Variants in GBP7 observed in about 807,000 individuals in gnomAD.
GBP7 encodes the protein guanylate-binding protein 7.
A neutral mutation model predicts 61.3 loss-of-function variants in GBP7; 43 were observed. The ratio of observed to expected loss-of-function variants is 0.70; its 90% confidence interval spans 0.55 to 0.91. GBP7 has a LOEUF of 0.91. GBP7 is among the 40% of genes least tolerant of loss of function. The probability of loss-of-function intolerance (pLI) is 0.00; values close to 1 mark genes in which losing one functional copy is unlikely to be tolerated. For missense variants in GBP7, 717 were observed against 740.5 expected (o/e 0.97, Z 0.37); for synonymous variants, 267 against 271.0 (o/e 0.99, Z 0.14).
chr1:89,148,313 T>C (rs1682113878), intron 7 of GBP7, among the ~76,000 whole-genome samples: 1 of 152,228 alleles, frequency 6.6e-6, no homozygotes, highest in Admixed American at 6.5e-5. Context: ...GGACTGGTAA[T>C]AGACAGACTG....
chr1:89,133,317 C>T lies in GBP7; in HGVS notation c.1603G>A (p.Glu535Lys). 1 of 1,614,028 alleles carries T rather than the reference C, an allele frequency of 6.2e-7. No homozygotes were observed. The stretch of plus-strand genomic sequence containing the variant: ...CTCATATAGTTTTCCCTTTCCCTCT[C>T]CATCTTCTTCTTGAGTTGAGCTATG... Reference protein sequence around the residue: ...ENIAQLKKKMERERENYMREL... With the variant: ...ENIAQLKKKMKRERENYMREL... Residue 535 changes from glutamate (E) to lysine (K), a missense_variant, in exon 10 of 11, where the codon GAG becomes AAG. Transcript: ENST00000294671.
At chr1:89,170,460 C>T (rs2100662274) in intron 2 of GBP7, among the ~76,000 whole-genome samples, 1 of 152,286 alleles carries the variant, frequency 6.6e-6, no homozygotes, top group Middle Eastern at 3.4e-3. Flanking sequence ...AAACCCACTC[C>T]TTCCCAACCT....
intron 9 of GBP7, among the ~76,000 whole-genome samples, chr1:89,138,966 A>T (rs116808502): frequency 0.018 from 2,774 of 152,294 alleles, 34 homozygotes; most frequent in Middle Eastern, 0.044. Flanking sequence ...TCTATAAGGA[A>T]GTTAAAGAAA....
At chr1:89,138,095 A>G (rs1285580311) in intron 9 of GBP7, among the ~76,000 whole-genome samples, 1 of 152,124 alleles carries the variant, frequency 6.6e-6, no homozygotes, top group Non-Finnish European at 1.5e-5. Flanking sequence ...TTTACAGCCA[A>G]TCAGGGAGGT....
At chr1:89,155,575 G>C (rs1184791651) in intron 3 of GBP7, among the ~76,000 whole-genome samples, 1 of 152,200 alleles carries the variant, frequency 6.6e-6, no homozygotes, top group Non-Finnish European at 1.5e-5. Context: ...AGCTTCAGTA[G>C]CCAATTTGAT....
intron 9 of GBP7, 139 bp downstream of exon 9, chr1:89,141,407 G>A: frequency 1.8e-6 from 1 of 570,864 alleles, no homozygotes; most frequent in Non-Finnish European, 3.0e-6. Flanking sequence ...AACTCCCCTT[G>A]TTATTTTCAG....
At chr1:89,171,615 A>C in intron 2 of GBP7, 131 bp downstream of exon 2, 1 of 707,406 alleles carries the variant, frequency 1.4e-6, no homozygotes, top group Non-Finnish European at 2.2e-6. Context: ...TGAAGGGTTC[A>C]CTGATGAATT....
chr1:89,153,128 C>G lies in GBP7; in HGVS notation c.319-351G>C, dbSNP rs114773678. Among the ~76,000 whole-genome samples the G allele has an allele frequency of 9.3e-3, 1,419 of 152,304 alleles. 17 individuals carry two copies. The highest frequency in any genetic ancestry group is 0.033 in the African/African-American group (1,351 of 41,564). On this transcript the variant is annotated intron_variant, in intron 3 of 10. Transcript: ENST00000294671. The stretch of plus-strand genomic sequence containing the variant: ...GGTATGAAGTCTCCTGAATGATGCT[C>G]TCTACTTTTTGTATGCAATAAACTT...
Position 89,149,572 on chromosome 1 carries a change from C to A in GBP7, c.872G>T (p.Arg291Leu), listed in dbSNP as rs772031019. 2.5e-6 allele frequency: 4 copies of A among 1,603,162 alleles called. 1 individual carries two copies. In the South Asian group the frequency reaches 4.4e-5, roughly 18 times the overall value. ...LREGILVTGN[R>L]LGMLVETYLD... ...GTAGGTCTCCACCAGCATCCCCAGC[C>A]CTGAATGATTTAGGAAATTTAGGGA... The change falls in exon 7 of 11, where the codon CGG (arginine) becomes CTG (leucine). Residue 291 changes from arginine (R) to leucine (L), a missense_variant and splice_region_variant. Around this residue, in one of 3 missense-constraint regions of GBP7, gnomAD observed 387 missense variants for 385.2 expected, o/e 1.00. Transcript: ENST00000294671.
chr1:89,135,252 A>G (rs768035243), intron 9 of GBP7, among the ~76,000 whole-genome samples: 19 of 152,218 alleles, frequency 1.2e-4, no homozygotes, highest in South Asian at 2.1e-4. Context: ...GAGAGATAGC[A>G]AGCAATTTGG....
chr1:89,149,598 A>C (rs764200143), intron 6 of GBP7, 26 bp from the exon 7 acceptor site: 19 of 1,584,540 alleles, frequency 1.2e-5, no homozygotes, highest in Non-Finnish European at 1.3e-5. Flanking sequence ...AATTTAGGGA[A>C]TAGATAGAAA....
chr1:89,138,348 G>A (rs575190734), intron 9 of GBP7, among the ~76,000 whole-genome samples: 3 of 151,818 alleles, frequency 2.0e-5, no homozygotes, highest in African/African-American at 7.3e-5. Context: ...AAAAAACCCC[G>A]AGTAGCCAAG....
intron 8 of GBP7, among the ~76,000 whole-genome samples, chr1:89,146,187 A>G (rs1216536943): frequency 6.7e-6 from 1 of 149,182 alleles, no homozygotes; most frequent in Non-Finnish European, 1.5e-5. Flanking sequence ...AAATGTGTCA[A>G]GAGTACACCA....
intron 5 of GBP7, among the ~76,000 whole-genome samples, chr1:89,151,290 A>C (rs1196364003): frequency 6.6e-6 from 1 of 152,174 alleles, no homozygotes; most frequent in East Asian, 1.9e-4. Flanking sequence ...CCATATAGAA[A>C]TGAGGTCCTG....
chr1:89,169,543 A>G (rs1194025848), intron 2 of GBP7, among the ~76,000 whole-genome samples: 3 of 152,192 alleles, frequency 2.0e-5, no homozygotes, highest in Non-Finnish European at 4.4e-5. Context: ...TTTTGAGTTT[A>G]TTATTATTTA....
chr1:89,133,390 C>A lies in GBP7; in HGVS notation c.1530G>T (p.Lys510Asn). 1 of 1,614,010 alleles carries A rather than the reference C, an allele frequency of 6.2e-7. No homozygotes were observed. The highest frequency in any genetic ancestry group is 8.5e-7 in the Non-Finnish European group (1 of 1,179,982). Reference protein sequence around the residue: ...KEQELLRQKQKEQQQMMEAQE... With the variant: ...KEQELLRQKQNEQQQMMEAQE... ...GAGCCTCCATCATTTGCTGCTGTTC[C>A]TTCTGTTTTTGTCTTAGCAGCTCCT... The change falls in exon 10 of 11, where the codon AAG becomes AAT. Residue 510 changes from lysine to asparagine, a missense_variant. Lys to Asn is a moderately conservative substitution (Grantham distance 94, BLOSUM62 0). Coordinates refer to ENST00000294671, the MANE Select transcript of GBP7 (RefSeq NM_207398.3).
At chr1:89,159,354 G>A (rs1268036131) in intron 3 of GBP7, among the ~76,000 whole-genome samples, 8 of 152,112 alleles carry the variant, frequency 5.3e-5, no homozygotes, top group Admixed American at 3.3e-4. Flanking sequence ...AGCCAAAATA[G>A]ACAAATGGGA....
At chr1:89,134,340 A>C (rs1327065253) in intron 9 of GBP7, among the ~76,000 whole-genome samples, 2 of 152,200 alleles carry the variant, frequency 1.3e-5, no homozygotes, top group African/African-American at 4.8e-5. Context: ...ACATGCACAG[A>C]ACCTGCAGCA....
chr1:89,137,102 C>A (rs568622944), intron 9 of GBP7, among the ~76,000 whole-genome samples: 1 of 151,952 alleles, frequency 6.6e-6, no homozygotes, highest in South Asian at 2.1e-4. Context: ...AAAAGTGAAC[C>A]AGGAAGAAAT....
Sources: allele counts gnomAD v4.1 joint callset (sites outside exome capture counted in the v4.1 genomes callset), GRCh38; gene constraint gnomAD v4.1.1; regional missense constraint gnomAD v4.1.1; transcripts MANE v1.5; gene names NCBI Gene and HGNC (gene_info 2026-07-23, HGNC 2026-07-21).